The following NDUFB5 variants were observed in gnomAD, a reference collection of about 807,000 sequenced individuals.
NDUFB5 encodes the protein NADH:ubiquinone oxidoreductase subunit B5.
Under a neutral mutation model 19.4 loss-of-function variants are expected in NDUFB5, and 19 were observed. That is an observed-to-expected ratio of 0.98 (90% confidence interval 0.68 to 1.43). NDUFB5 has a LOEUF of 1.43. Ranked by LOEUF, NDUFB5 falls within the 40% of genes most tolerant of loss-of-function variation. NDUFB5 has a pLI of 0.00. For synonymous variants in NDUFB5, 80 were observed against 82.6 expected, an observed-to-expected ratio of 0.97 and a Z score of 0.17; for missense variants, 233 against 236.5, an observed-to-expected ratio of 0.99 and a Z score of 0.10.
intron 4 of NDUFB5, 186 bp downstream of exon 4, chr3:179,617,230 C>T (rs566666540): frequency 2.3e-4 from 96 of 414,446 alleles, no homozygotes; most frequent in South Asian, 8.1e-4. Flanking sequence ...TTCTGCCTCC[C>T]GCATTCAAGC....
chr3:179,617,898 T>C (rs1719423568), intron 4 of NDUFB5, among the ~76,000 whole-genome samples: 1 of 152,232 alleles, frequency 6.6e-6, no homozygotes, highest in Non-Finnish European at 1.5e-5. Flanking sequence ...AATCCAAAAT[T>C]AATTTTGTTA....
intron 5 of NDUFB5, among the ~76,000 whole-genome samples, chr3:179,623,137 C>T (rs751413707): frequency 1.3e-5 from 2 of 152,182 alleles, no homozygotes; most frequent in African/African-American, 2.4e-5. Context: ...GAAAAGTTTT[C>T]TGTCCTAATG....
intron 5 of NDUFB5, among the ~76,000 whole-genome samples, chr3:179,619,873 T>C (rs1202023541): frequency 6.6e-6 from 1 of 152,194 alleles, no homozygotes; most frequent in Non-Finnish European, 1.5e-5. Flanking sequence ...GTTTCCTGAC[T>C]TTTTAATGAT....
At position 179,624,070 on chromosome 3, in the gene NDUFB5, T is replaced by C. The variant is rs749522854; in HGVS notation, c.*30T>C. On this transcript the variant is annotated 3_prime_UTR_variant, in exon 6 of 6. Coordinates refer to ENST00000259037, the MANE Select transcript of NDUFB5 (RefSeq NM_002492.4). ...TTTTTTCTCCAAATACAAAGTATAT[T>C]CTCTTTATTGGAAAATAAATTAATA... 6.3e-7 allele frequency: 1 copy of C among 1,580,384 alleles called. No individual in the cohort carries two copies. The highest frequency in any genetic ancestry group is 8.6e-7 in the Non-Finnish European group (1 of 1,158,114).
rs1232447315 is a variant in NDUFB5, at chr3:179,616,968, A to G, written c.281-15A>G. 6.9e-6 allele frequency: 11 copies of G among 1,602,150 alleles called. No homozygotes were observed. Among genetic ancestry groups the G allele is most frequent in the Non-Finnish European group, 9.4e-6 (11 of 1,170,650 alleles). On this transcript the variant is annotated splice_polypyrimidine_tract_variant and intron_variant, in intron 3 of 5. Transcript: ENST00000259037. ...CCTCATGCTAAAGTTAAACATAACC[A>G]TTTTTTCTTATTAGGTCAAGCTGAA... is the stretch of plus-strand genomic sequence containing the variant.
At position 179,618,412 on chromosome 3, in the gene NDUFB5, T is replaced by C. The variant is rs746436817; in HGVS notation, c.343-3T>C. ...CTAATATTAAACGAATTTTCTCTTG[T>C]AGCATCCCATATCAAGATGGATTGC... On this transcript the variant is annotated splice_polypyrimidine_tract_variant and splice_region_variant and intron_variant, in intron 4 of 5. Transcript: ENST00000259037. The C allele has an allele frequency of 8.2e-6, 13 of 1,585,106 alleles. No homozygotes were observed. Among genetic ancestry groups the C allele is most frequent in the Non-Finnish European group, 1.1e-5 (13 of 1,162,260 alleles).
chr3:179,624,061 A>G lies in NDUFB5; in HGVS notation c.*21A>G, dbSNP rs1719605834. ...ATTAAGCATTTTTTTCTCCAAATAC[A>G]AAGTATATTCTCTTTATTGGAAAAT... On this transcript the variant is annotated 3_prime_UTR_variant, in exon 6 of 6. Transcript: ENST00000259037. 2 of 1,602,810 alleles carry G rather than the reference A, an allele frequency of 1.2e-6. No individual in the cohort carries two copies. The highest frequency in any genetic ancestry group is 1.7e-5 in the Admixed American group (1 of 59,722).
rs1341517054 is a variant in NDUFB5, at chr3:179,626,035, T to C, written c.*1995T>C. ...GTGTTCTTCATAGTGGTTGTACTAC[T>C]GTACATTCCTACCAATGGTGGATGA... is the stretch of plus-strand genomic sequence containing the variant. On this transcript the variant is annotated 3_prime_UTR_variant, in exon 6 of 6. Transcript: ENST00000259037. The C allele has an allele frequency of 1.3e-5, 2 of 152,226 alleles. No homozygotes were observed. Among genetic ancestry groups the C allele is most frequent in the African/African-American group, 4.8e-5 (2 of 41,476 alleles). 9.4% of individuals were successfully genotyped at this position (152,226 alleles called of 1,614,324 possible). A position where few individuals can be genotyped will look rare whatever the true frequency, so the allele number is the denominator to read the frequency against.
rs11539670 is a variant in NDUFB5 at position 179,616,987 on chromosome 3, A to G, written c.285A>G (p.Gln95=). 4 of 1,611,576 alleles carry G rather than the reference A, an allele frequency of 2.5e-6. No individual in the cohort carries two copies. The African/African-American group carries it at 5.3e-5, about 22-fold the overall frequency. Reference sequence around the variant, plus strand: ...ATAACCATTTTTTCTTATTAGGTCAAGCTGAACTAGCAGAAATTCCAGAAG... The same window carrying G: ...ATAACCATTTTTTCTTATTAGGTCAGGCTGAACTAGCAGAAATTCCAGAAG... The part of the protein sequence containing the change: ...FITLVNVFIG[Q]AELAEIPEGY... Residue 95 remains glutamine, a synonymous_variant, in exon 4 of 6, where the codon CAA becomes CAG. Transcript: ENST00000259037.
In NDUFB5 at chr3:179,616,021, T is replaced by C. The variant is rs776399212; in HGVS notation, c.252T>C (p.Ile84=). The C allele has an allele frequency of 1.9e-6, 3 of 1,613,812 alleles. No individual in the cohort carries two copies. The South Asian group carries it at 3.3e-5, about 18-fold the overall frequency. The change falls in exon 3 of 6, where the codon ATT becomes ATC. Residue 84 remains isoleucine (I), a synonymous_variant. Coordinates refer to ENST00000259037, the MANE Select transcript of NDUFB5 (RefSeq NM_002492.4). The stretch of plus-strand genomic sequence containing the variant: ...CATTGACTGGGATTCCAGTAGCAAT[T>C]TTCATAACTCTGGTGAATGTATTCA... The part of the protein sequence containing the change: ...YIALTGIPVA[I]FITLVNVFIG...
chr3:179,618,547 G>C, intron 5 of NDUFB5, 26 bp downstream of exon 5: 1 of 1,502,792 alleles, frequency 6.7e-7, no homozygotes. Flanking sequence ...GGGTAGGTGG[G>C]AAAGAAAATC....
At chr3:179,608,353 G>A (rs1375917310) in intron 1 of NDUFB5, among the ~76,000 whole-genome samples, 16 of 152,036 alleles carry the variant, frequency 1.1e-4, no homozygotes, top group Admixed American at 9.2e-4. Context: ...CTCCATGCCC[G>A]GCTAATTTTT....
chr3:179,625,627 A>G lies in NDUFB5; in HGVS notation c.*1587A>G, dbSNP rs1265517211. The G allele has an allele frequency of 2.0e-5, 3 of 151,630 alleles. No individual in the cohort carries two copies. The highest frequency in any genetic ancestry group is 2.9e-5 in the Non-Finnish European group (2 of 67,992). The allele number at this position is 151,630 out of a possible 1,614,324, so 9.4% of individuals were successfully genotyped here. A position where few individuals can be genotyped will look rare whatever the true frequency, so the allele number is the denominator to read the frequency against. The stretch of plus-strand genomic sequence containing the variant: ...TTAACTATAATTTACCTACTGTACT[A>G]TCAAATACTAGAACTTATTCCTTGT... On this transcript the variant is annotated 3_prime_UTR_variant, in exon 6 of 6. Coordinates refer to ENST00000259037, the MANE Select transcript of NDUFB5 (RefSeq NM_002492.4).
intron 1 of NDUFB5, among the ~76,000 whole-genome samples, chr3:179,613,483 GTTCTA>G (rs1719299992): frequency 6.6e-6 from 1 of 152,088 alleles, no homozygotes; most frequent in Admixed American, 6.6e-5. Flanking sequence ...ACCGTATATA[GTTCTA>G]GCATAGGATC....
chr3:179,622,365 C>G (rs1719561441), intron 5 of NDUFB5, among the ~76,000 whole-genome samples: 1 of 151,940 alleles, frequency 6.6e-6, no homozygotes, highest in Non-Finnish European at 1.5e-5. Flanking sequence ...CCAGGCTGGA[C>G]TTGAACTCCT....
chr3:179,614,000 A>G (rs1266210685), intron 1 of NDUFB5, among the ~76,000 whole-genome samples: 1 of 152,194 alleles, frequency 6.6e-6, no homozygotes, highest in Non-Finnish European at 1.5e-5. Context: ...GATCTTTCTG[A>G]CATCTATTAT....
chr3:179,610,190 T>A (rs1719203723), intron 1 of NDUFB5, among the ~76,000 whole-genome samples: 4 of 152,146 alleles, frequency 2.6e-5, no homozygotes, highest in Admixed American at 1.3e-4. Context: ...CCTCCTAGAC[T>A]CAGGTGATCC....
chr3:179,610,663 C>G (rs1486570190), intron 1 of NDUFB5, among the ~76,000 whole-genome samples: 1 of 152,190 alleles, frequency 6.6e-6, no homozygotes, highest in Non-Finnish European at 1.5e-5. Flanking sequence ...TCCTAAAGAT[C>G]TAGTGCTGTC....
intron 1 of NDUFB5, among the ~76,000 whole-genome samples, chr3:179,609,062 ATGT>A (rs1415375456): frequency 2.0e-5 from 3 of 152,206 alleles, no homozygotes; most frequent in Non-Finnish European, 2.9e-5. Flanking sequence ...GAAGGAAGTG[ATGT>A]TGTTTAAGGA....
Sources: gnomAD v4.1 joint callset for allele counts (sites outside exome capture counted in the v4.1 genomes callset) on GRCh38, gnomAD v4.1.1 for gene constraint, MANE v1.5 for transcripts, NCBI Gene and HGNC (gene_info 2026-07-23, HGNC 2026-07-21) for gene names.